Variants in ATP8B3 observed in about 807,000 individuals in gnomAD.
ATP8B3 encodes the protein ATPase phospholipid transporting 8B3.
In ATP8B3, 141 loss-of-function variants were observed where a neutral mutation model predicts 140.9. That is an observed-to-expected ratio of 1.00 (90% confidence interval 0.87 to 1.15). The LOEUF (loss-of-function observed/expected upper bound fraction) is 1.15. Ranked by LOEUF, ATP8B3 falls within the 50% of genes most tolerant of loss-of-function variation. The pLI is 0.00. For missense variants in ATP8B3, 1,874 were observed against 1,740.6 expected, an observed-to-expected ratio of 1.08 and a Z score of -1.36; for synonymous variants, 765 against 714.6, an observed-to-expected ratio of 1.07 and a Z score of -1.13.
Position 1,783,125 on chromosome 19 carries a change from A to C in ATP8B3, c.3806T>G (p.Ile1269Ser). 1 of 1,613,428 alleles carries C rather than the reference A, an allele frequency of 6.2e-7. No homozygotes were observed. Residue 1269 changes from isoleucine (I) to serine (S), a missense_variant, in exon 29 of 29, where the codon ATT becomes AGT. Transcript: ENST00000310127. ...GCTGACCCCTGGTCCCCTCCGCAGA[A>C]TTGTGCCCTGAGTGATGAGGTTTGC... ...GYANLITQGT[I>S]LRRGPGVSSD...
chr19:1,800,375 G>T lies in ATP8B3; in HGVS notation c.1227C>A (p.Asp409Glu). 2 of 1,611,448 alleles carry T rather than the reference G, an allele frequency of 1.2e-6. No individual in the cohort carries two copies. The highest frequency in any genetic ancestry group is 1.1e-5 in the South Asian group (1 of 91,034). Residue 409 changes from aspartate to glutamate, a missense_variant, in exon 13 of 29, where the codon GAC (aspartate) becomes GAA (glutamate). Around this residue, in one of 3 missense-constraint regions of ATP8B3, gnomAD observed 1,032 missense variants for 963.6 expected, o/e 1.07. Transcript: ENST00000310127. The surrounding 1 kb of genome is among the most constrained non-coding windows in gnomAD (Gnocchi z 4.4). ...GCACCCCCGAGAGGTAGTAGTGGTG[G>T]TCTTTGAATTCTTTGACTGAGAAAC... ...GFGFSVKEFK[D>E]HHYYLSGVHG... is the part of the protein sequence containing the mutation.
intron 14 of ATP8B3, among the ~76,000 whole-genome samples, chr19:1,798,521 G>A (rs1239926909): frequency 3.3e-5 from 5 of 151,640 alleles, no homozygotes; most frequent in Admixed American, 2.0e-4. Flanking sequence ...GGCAGATCAC[G>A]AGGTCAGGAG....
Position 1,783,088 on chromosome 19 carries a change from T to G in ATP8B3, c.3843A>C (p.Ala1281=). 2 of 1,613,420 alleles carry G rather than the reference T, an allele frequency of 1.2e-6. No homozygotes were observed. Among genetic ancestry groups the G allele is most frequent in the Non-Finnish European group, 1.7e-6 (2 of 1,179,722 alleles). The change falls in exon 29 of 29, where the codon GCA becomes GCC. Residue 1281 remains alanine, a synonymous_variant. Transcript: ENST00000310127. The part of the protein sequence containing the change: ...RRGPGVSSDI[A]SESLDPSDEE... Reference sequence around the variant, plus strand: ...CATCAGATGGGTCTAGGGATTCAGATGCTATGTCACTGCTGACCCCTGGTC... The same window carrying G: ...CATCAGATGGGTCTAGGGATTCAGAGGCTATGTCACTGCTGACCCCTGGTC...
At chr19:1,791,637 C>T in intron 20 of ATP8B3, 113 bp downstream of exon 20, 1 of 778,998 alleles carries the variant, frequency 1.3e-6, no homozygotes, top group East Asian at 2.7e-5. Flanking sequence ...AAGTGATCCG[C>T]CCGCCTCGGC....
In ATP8B3 at chr19:1,789,920, C is replaced by T. The variant is rs2068438938; in HGVS notation, c.2448G>A (p.Lys816=). 29 of 1,611,996 alleles carry T rather than the reference C, an allele frequency of 1.8e-5. No homozygotes were observed. The highest frequency in any genetic ancestry group is 2.5e-5 in the Non-Finnish European group (29 of 1,179,542). ...LLTRESLSQV[K]LALVINGDFL... ...AGTCTCCGTTAATGACCAAGGCCAG[C>T]TTGACCTGCGACAGGGACTCCCTGG... The change falls in exon 22 of 29, where the codon AAG becomes AAA. Residue 816 remains lysine (K), a synonymous_variant. Coordinates refer to ENST00000310127, the MANE Select transcript of ATP8B3 (RefSeq NM_138813.4).
intron 4 of ATP8B3, among the ~76,000 whole-genome samples, chr19:1,809,430 G>A (rs181711541): frequency 6.5e-4 from 98 of 151,568 alleles, no homozygotes; most frequent in African/African-American, 2.3e-3. Flanking sequence ...GCAGTGAGCC[G>A]AGATGTCGCC....
intron 14 of ATP8B3, among the ~76,000 whole-genome samples, chr19:1,798,435 A>G (rs2068745223): frequency 6.6e-6 from 1 of 152,024 alleles, no homozygotes; most frequent in African/African-American, 2.4e-5. Context: ...AAATGACTAG[A>G]ATAATACTAA....
chr19:1,785,736 T>A, intron 25 of ATP8B3, 28 bp from the exon 26 acceptor site: 2 of 933,682 alleles, frequency 2.1e-6, no homozygotes, highest in Non-Finnish European at 3.1e-6. Flanking sequence ...CTCTTGGGAT[T>A]GGGTGGGGGG....
rs2069060333 is a variant in ATP8B3, at chr19:1,807,413, C to G, written c.517-147G>C. On this transcript the variant is annotated intron_variant, in intron 5 of 28. Coordinates refer to ENST00000310127, the MANE Select transcript of ATP8B3 (RefSeq NM_138813.4). This position sits in a 1 kb window ranked among gnomAD's most constrained non-coding sequence, Gnocchi z 5.9. ...GGGGTCCAGCCATCTCCTGCAACCC[C>G]CAGCCCTCGGGACAAACGCCCCGGC... The G allele has an allele frequency of 1.6e-6, 1 of 643,344 alleles. No homozygotes were observed. The highest frequency in any genetic ancestry group is 2.7e-6 in the Non-Finnish European group (1 of 365,926). The allele number at this position is 643,344 out of a possible 1,614,324, so 39.9% of individuals were successfully genotyped here. A position where few individuals can be genotyped will look rare whatever the true frequency, so the allele number is the denominator to read the frequency against.
intron 2 of ATP8B3, 109 bp downstream of exon 2, chr19:1,811,380 C>T (rs1475874526): frequency 1.4e-6 from 2 of 1,440,882 alleles, no homozygotes; most frequent in Non-Finnish European, 1.8e-6. Context: ...GATGGGCAAA[C>T]CACCCCTAGA....
In ATP8B3 at chr19:1,790,816, G is replaced by T; in HGVS notation, c.2319C>A (p.Ile773=). The T allele has an allele frequency of 1.2e-6, 2 of 1,602,054 alleles. No individual in the cohort carries two copies. Among genetic ancestry groups the T allele is most frequent in the Non-Finnish European group, 1.7e-6 (2 of 1,175,566 alleles). The part of the protein sequence containing the change: ...TGDKQETAVN[I]GFACELLSEN... ...CTGACAGCAGCTCGCAGGCGAAGCC[G>T]ATGTTCACAGCCGTTTCTGCGAAGC... The change falls in exon 21 of 29, where the codon ATC becomes ATA. Residue 773 remains isoleucine, a synonymous_variant. Transcript: ENST00000310127.
In ATP8B3 at chr19:1,788,538, T is replaced by C. The variant is rs780976963; in HGVS notation, c.3069+359A>G. On this transcript the variant is annotated intron_variant, in intron 24 of 28. Coordinates refer to ENST00000310127, the MANE Select transcript of ATP8B3 (RefSeq NM_138813.4). ...GATGGTACACGCCTGTAATCCCAGC[T>C]ACTTGGGAGGTGGAGGCAAGAGAAT... Among the ~76,000 whole-genome samples the C allele has an allele frequency of 3.3e-5, 5 of 152,048 alleles. No homozygotes were observed. In the South Asian group the frequency reaches 6.2e-4, roughly 19 times the overall value.
chr19:1,798,419 G>GA lies in ATP8B3; in HGVS notation c.1553-1415dup, dbSNP rs879943164. 3.0e-4 allele frequency among the ~76,000 whole-genome samples: 46 copies of GA among 151,780 alleles called. 1 individual carries two copies. Among genetic ancestry groups the GA allele is most frequent in the African/African-American group, 1.1e-3 (44 of 41,312 alleles). On this transcript the variant is annotated intron_variant, in intron 14 of 28. Transcript: ENST00000310127. ...TTGTTTTTGGATTTTTAATGGTCAGGAAAAAAAATGACTAGAATAATACTA... is the reference window on the plus strand; with the variant it reads ...TTGTTTTTGGATTTTTAATGGTCAGGAAAAAAAAATGACTAGAATAATACTA...
Position 1,785,502 on chromosome 19 carries a change from C to T in ATP8B3, c.3360G>A (p.Val1120=). The stretch of plus-strand genomic sequence containing the variant: ...TGATGGACAGCAGGCAAGACAGGGC[C>T]ACCACGACCGCAAAGGACTGGTGGT... ...FSDHQSFAVV[V]ALSCLLSITM... The change falls in exon 26 of 29, where the codon GTG becomes GTA. Residue 1120 remains valine, a synonymous_variant. Transcript: ENST00000310127. The T allele has an allele frequency of 6.2e-7, 1 of 1,613,056 alleles. No homozygotes were observed. Among genetic ancestry groups the T allele is most frequent in the Non-Finnish European group, 8.5e-7 (1 of 1,179,880 alleles).
rs2145190734 is a variant in ATP8B3 at position 1,796,963 on chromosome 19, G to A, written c.1584+11C>T. On this transcript the variant is annotated intron_variant, in intron 15 of 28. Transcript: ENST00000310127. ...CCTCACCGTCCCGCGCTGCAAGCCA[G>A]GCAGGCTCACCTTAGGTCGGGTCGT... is the stretch of plus-strand genomic sequence containing the variant. 1 of 1,612,954 alleles carries A rather than the reference G, an allele frequency of 6.2e-7. No homozygotes were observed. The highest frequency in any genetic ancestry group is 8.5e-7 in the Non-Finnish European group (1 of 1,179,776).
chr19:1,786,694 A>G (rs377651894), intron 25 of ATP8B3, among the ~76,000 whole-genome samples: 1 of 152,270 alleles, frequency 6.6e-6, no homozygotes, highest in South Asian at 2.1e-4. Flanking sequence ...GTTGGATTGC[A>G]TAGCTGTGGG....
rs1304674475 is a variant in ATP8B3, at chr19:1,789,614, C to T, written c.2592G>A (p.Arg864=). The T allele has an allele frequency of 2.5e-6, 4 of 1,592,648 alleles. No homozygotes were observed. Among genetic ancestry groups the T allele is most frequent in the South Asian group, 2.3e-5 (2 of 88,776 alleles). The change falls in exon 23 of 29, where the codon AGG becomes AGA. Residue 864 remains arginine (R), a synonymous_variant. Coordinates refer to ENST00000310127, the MANE Select transcript of ATP8B3 (RefSeq NM_138813.4). ...GQSRRDFLYA[R]RLSLLCRRFG... ...ACCTCCGGCACAGCAGGGACAGGCGCCTGGCGTAGAGGAAATCCCTCCTGG... is the reference window on the plus strand; with the variant it reads ...ACCTCCGGCACAGCAGGGACAGGCGTCTGGCGTAGAGGAAATCCCTCCTGG...
intron 18 of ATP8B3, among the ~76,000 whole-genome samples, chr19:1,793,463 C>G (rs189817917): frequency 3.9e-5 from 6 of 152,318 alleles, no homozygotes; most frequent in Admixed American, 2.6e-4. Flanking sequence ...CGGTGCCTTC[C>G]CCAGCTGGGG....
intron 25 of ATP8B3, 95 bp from the exon 26 acceptor site, chr19:1,785,803 T>G: frequency 8.5e-6 from 11 of 1,300,966 alleles, no homozygotes; most frequent in Non-Finnish European, 1.2e-5. Flanking sequence ...GGGTGGCCAC[T>G]CTCTGTGTGT....
Sources: gnomAD v4.1 joint callset for allele counts (sites outside exome capture counted in the v4.1 genomes callset) on GRCh38, gnomAD v4.1.1 for gene constraint, gnomAD v4.1.1 regional missense constraint, Gnocchi (gnomAD v3.1) non-coding constraint, MANE v1.5 for transcripts, NCBI Gene and HGNC (gene_info 2026-07-23, HGNC 2026-07-21) for gene names.